Variants in OFD1 observed in about 807,000 individuals in gnomAD.
The protein encoded by OFD1 is OFD1 centriole and centriolar satellite protein.
OFD1 carries 12 observed loss-of-function variants against 81.4 expected under a neutral mutation model. The observed-to-expected ratio is 0.15, with a 90% CI of 0.09 to 0.24. The LOEUF (loss-of-function observed/expected upper bound fraction) is 0.24, where lower values mean the gene tolerates loss of function less well. Among genes scored for constraint, OFD1 ranks in the 10% least tolerant of loss-of-function variants. The probability of loss-of-function intolerance (pLI) is 1.00; values close to 1 mark genes in which losing one functional copy is unlikely to be tolerated. For synonymous variants in OFD1, 256 were observed against 263.7 expected, an observed-to-expected ratio of 0.97 and a Z score of 0.28; for missense variants, 685 against 733.9, an observed-to-expected ratio of 0.93 and a Z score of 0.77.
At chrX:13,737,253 T>A (rs975872493) in intron 3 of OFD1, among the ~76,000 whole-genome samples, 1 of 83,406 alleles carries the variant, frequency 1.2e-5, no homozygotes, top group African/African-American at 5.6e-5. Flanking sequence ...AAAACACTTG[T>A]TTTTTTTTTT....
chrX:13,749,156 G>A lies in OFD1; in HGVS notation c.829-271G>A, dbSNP rs191305831. On this transcript the variant is annotated intron_variant, in intron 8 of 22. Transcript: ENST00000340096. ...AAAAAAAAAATTTTTTTAGATAAGG[G>A]ACTGAGAGATGTTAAAGAACTAAAT... Among the ~76,000 whole-genome samples, 114 of 109,782 alleles carry A rather than the reference G, an allele frequency of 1.0e-3. No individual in the cohort carries two copies. In the South Asian group the frequency reaches 0.019, roughly 18 times the overall value.
intron 3 of OFD1, among the ~76,000 whole-genome samples, chrX:13,737,316 T>C (rs1226007109): frequency 1.8e-5 from 2 of 110,772 alleles, no homozygotes; most frequent in Non-Finnish European, 3.8e-5. Context: ...CTGTTGAACA[T>C]TAGTACTACT....
chrX:13,737,911 G>A (rs984760736), intron 3 of OFD1, among the ~76,000 whole-genome samples: 8 of 111,332 alleles, frequency 7.2e-5, no homozygotes, highest in African/African-American at 9.8e-5. Context: ...GTGCAATGGC[G>A]CAGTCTTGGC....
intron 12 of OFD1, among the ~76,000 whole-genome samples, chrX:13,756,221 T>G (rs2047705564): frequency 1.8e-5 from 2 of 111,587 alleles, no homozygotes; most frequent in Non-Finnish European, 3.8e-5. Context: ...CCCAAAGTGC[T>G]GCGATTACGG....
At chrX:13,738,577 G>A (rs935492323) in intron 3 of OFD1, 45 of 262,163 alleles carry the variant, frequency 1.7e-4, no homozygotes, top group Non-Finnish European at 6.1e-5. Flanking sequence ...CATCTGTAAG[G>A]CATTAAACAT....
intron 5 of OFD1, among the ~76,000 whole-genome samples, chrX:13,743,202 T>C: frequency 1.8e-5 from 2 of 112,698 alleles, no homozygotes; most frequent in Non-Finnish European, 3.7e-5. Flanking sequence ...AACAGTTTCT[T>C]GTTTATCTTC....
In OFD1 at chrX:13,736,415, C is replaced by T. The variant is rs142075256; in HGVS notation, c.112-63C>T. On this transcript the variant is annotated intron_variant, in intron 2 of 22. Transcript: ENST00000340096. ...TCATCTGTGTATATCTCTAATGAAACAGTCCTGCTGAAATTTCTTTCCCTT... is the reference window on the plus strand; with the variant it reads ...TCATCTGTGTATATCTCTAATGAAATAGTCCTGCTGAAATTTCTTTCCCTT... 8,576 of 1,126,991 alleles carry T rather than the reference C, an allele frequency of 7.6e-3. 169 individuals carry two copies. Among genetic ancestry groups the T allele is most frequent in the African/African-American group, 0.066 (3,650 of 55,484 alleles). 92.9% of individuals were successfully genotyped at this position (1,126,991 alleles called of 1,213,427 possible).
At chrX:13,740,434 A>G (rs192137846) in intron 5 of OFD1, among the ~76,000 whole-genome samples, 8 of 112,294 alleles carry the variant, frequency 7.1e-5, no homozygotes, top group Non-Finnish European at 1.5e-4. Context: ...TCTGAGGTAT[A>G]TAGCTAGTAT....
rs142659184 is a variant in OFD1, at chrX:13,758,414, C to A, written c.1620C>A (p.Ala540=). 1.1e-5 allele frequency: 13 copies of A among 1,202,382 alleles called. No individual in the cohort carries two copies. Among genetic ancestry groups the A allele is most frequent in the Non-Finnish European group, 1.4e-5 (12 of 888,168 alleles). Reference sequence around the variant, plus strand: ...TAAAGAGTTTAACTACTCAGGTTGCCGATTTAAAATTGCAACTGAAGCAAA... The same window carrying A: ...TAAAGAGTTTAACTACTCAGGTTGCAGATTTAAAATTGCAACTGAAGCAAA... ...ASVKSLTTQV[A]DLKLQLKQTQ... is the part of the protein sequence containing the mutation. Residue 540 remains alanine (A), a synonymous_variant, in exon 15 of 23, where the codon GCC becomes GCA. Transcript: ENST00000340096.
chrX:13,767,391 C>A, intron 20 of OFD1, 107 bp downstream of exon 20: 1 of 806,593 alleles, frequency 1.2e-6, no homozygotes, highest in Non-Finnish European at 1.9e-6. Context: ...GTCAGAGGTG[C>A]GGCAGATGCC....
chrX:13,719,973 T>C, the OFD1 span: 1 of 1,134,970 alleles, frequency 8.8e-7, no homozygotes, highest in African/African-American at 1.8e-5. Flanking sequence ...TGGTCTTCAA[T>C]ATATGGCTCC....
At chrX:13,753,984 ATT>A (rs772659719) in intron 11 of OFD1, among the ~76,000 whole-genome samples, 4 of 101,529 alleles carry the variant, frequency 3.9e-5, no homozygotes, top group Non-Finnish European at 4.1e-5. Flanking sequence ...ATTTCAGTGT[ATT>A]TTTTTTTTTT....
chrX:13,722,421 G>A, the OFD1 span, among the ~76,000 whole-genome samples: 2 of 110,422 alleles, frequency 1.8e-5, no homozygotes, highest in South Asian at 3.8e-4. Flanking sequence ...ACCCAGCTGC[G>A]CAAAAGATGA....
At chrX:13,745,861 G>A (rs992261108) in intron 6 of OFD1, among the ~76,000 whole-genome samples, 30 of 112,068 alleles carry the variant, frequency 2.7e-4, no homozygotes, top group African/African-American at 9.7e-4. Flanking sequence ...GTGTAAAGGG[G>A]AGGGGTTGAT....
upstream of OFD1, chrX:13,734,559 C>T: frequency 2.3e-6 from 1 of 429,491 alleles, no homozygotes; most frequent in Non-Finnish European, 3.1e-6. Context: ...AACGCAATGT[C>T]AGTTTCCGCG....
intron 17 of OFD1, among the ~76,000 whole-genome samples, chrX:13,761,978 G>A (rs1186603480): frequency 1.9e-5 from 2 of 104,561 alleles, no homozygotes; most frequent in Non-Finnish European, 3.9e-5. Context: ...GAGTTAGGGC[G>A]CTTTGCTCAC....
At chrX:13,752,700 A>G in intron 10 of OFD1, 1 of 971,591 alleles carries the variant, frequency 1.0e-6, no homozygotes, top group Non-Finnish European at 1.3e-6. Context: ...TGTCATTGTG[A>G]CAGCTTCCAC....
intron 10 of OFD1, chrX:13,752,704 C>T (rs1368545435): frequency 1.0e-6 from 1 of 971,743 alleles, no homozygotes; most frequent in South Asian, 2.0e-5. Context: ...ATTGTGACAG[C>T]TTCCACAGGC....
rs755227216 is a variant in OFD1, at chrX:13,760,220, G to A, written c.1760G>A (p.Gly587Glu). ...NVVPCNGEIS[G>E]DFLNNPFKQE... ...GTGCCTTGCAATGGTGAGATAAGTG[G>A]GGATTTCTTGAACAATCCTTTTAAA... Residue 587 changes from glycine to glutamate, a missense_variant, in exon 16 of 23, where the codon GGG becomes GAG. Physicochemically the swap from Gly to Glu is moderately conservative, Grantham distance 98. This residue lies in a region of OFD1 where 414 missense variants were observed against 447.2 expected (regional missense o/e 0.93). Transcript: ENST00000340096. 3 of 1,209,813 alleles carry A rather than the reference G, an allele frequency of 2.5e-6. No individual in the cohort carries two copies. The highest frequency in any genetic ancestry group is 3.4e-6 in the Non-Finnish European group (3 of 895,194).
Sources: allele counts gnomAD v4.1 joint callset (sites outside exome capture counted in the v4.1 genomes callset), GRCh38; gene constraint gnomAD v4.1.1; regional missense constraint gnomAD v4.1.1; transcripts MANE v1.5; gene names NCBI Gene and HGNC (gene_info 2026-07-23, HGNC 2026-07-21).